The following IMPG2 variants were observed in gnomAD, a reference collection of about 807,000 sequenced individuals.
IMPG2 encodes the protein IPM 200.
Under a neutral mutation model 129.2 loss-of-function variants are expected in IMPG2, and 91 were observed. The observed-to-expected ratio is 0.70, with a 90% CI of 0.59 to 0.84. IMPG2 has a LOEUF of 0.84. IMPG2 is among the 40% of genes least tolerant of loss of function. The pLI, the probability that IMPG2 is intolerant of heterozygous loss-of-function variation, is 0.00. For synonymous variants in IMPG2, 510 were observed against 517.7 expected, an observed-to-expected ratio of 0.99 and a Z score of 0.20; for missense variants, 1,430 against 1,461.7, an observed-to-expected ratio of 0.98 and a Z score of 0.35.
intron 9 of IMPG2, among the ~76,000 whole-genome samples, chr3:101,258,010 C>T (rs2107235314): frequency 6.6e-6 from 1 of 152,172 alleles, no homozygotes; most frequent in East Asian, 1.9e-4. Flanking sequence ...ACAGAGGCAA[C>T]CCTGCAGGAT....
intron 12 of IMPG2, among the ~76,000 whole-genome samples, chr3:101,245,009 C>A (rs1559643431): frequency 6.6e-6 from 1 of 151,826 alleles, no homozygotes; most frequent in African/African-American, 2.4e-5. Flanking sequence ...GATAACAATA[C>A]CTTGACTATT....
chr3:101,243,778 C>G lies in IMPG2; in HGVS notation c.2553G>C (p.Gln851His). The change falls in exon 13 of 19, where the codon CAG becomes CAC. Residue 851 changes from glutamine to histidine, a missense_variant. By Grantham distance (24) the Gln-to-His change is conservative. Coordinates refer to ENST00000193391, the MANE Select transcript of IMPG2 (RefSeq NM_016247.4). Reference sequence around the variant, plus strand: ...CATTTTGCTCTTGGACTTGCTCAGGCTGATAGTAATCTGTGCCTATCCGGT... The same window carrying G: ...CATTTTGCTCTTGGACTTGCTCAGGGTGATAGTAATCTGTGCCTATCCGGT... ...ELDRIGTDYY[Q>H]PEQVQEQNGK... is the part of the protein sequence containing the mutation. 1 of 1,613,974 alleles carries G rather than the reference C, an allele frequency of 6.2e-7. No individual in the cohort carries two copies. Among genetic ancestry groups the G allele is most frequent in the Non-Finnish European group, 8.5e-7 (1 of 1,179,898 alleles).
intron 3 of IMPG2, among the ~76,000 whole-genome samples, chr3:101,302,500 A>G (rs1035166452): frequency 3.3e-5 from 5 of 152,244 alleles, no homozygotes; most frequent in African/African-American, 9.6e-5. Context: ...TGTGAAGGGA[A>G]AAGACATCAA....
intron 14 of IMPG2, among the ~76,000 whole-genome samples, chr3:101,236,234 C>T (rs968139279): frequency 6.6e-6 from 1 of 152,106 alleles, no homozygotes; most frequent in Non-Finnish European, 1.5e-5. Flanking sequence ...CTTAACAATG[C>T]CCAGAAATAC....
intron 10 of IMPG2, among the ~76,000 whole-genome samples, chr3:101,254,586 A>C (rs1382836368): frequency 6.6e-6 from 1 of 152,082 alleles, no homozygotes; most frequent in African/African-American, 2.4e-5. Context: ...CTCTTTATCC[A>C]CCTGTTCCCA....
chr3:101,226,719 T>A lies in IMPG2; in HGVS notation c.*250A>T, dbSNP rs952702539. 1.5e-5 allele frequency: 7 copies of A among 478,402 alleles called. No individual in the cohort carries two copies. Among genetic ancestry groups the A allele is most frequent in the Non-Finnish European group, 2.2e-5 (6 of 271,590 alleles). The allele number at this position is 478,402 out of a possible 1,614,324, so 29.6% of individuals were successfully genotyped here. A position where few individuals can be genotyped will look rare whatever the true frequency, so the allele number is the denominator to read the frequency against. On this transcript the variant is annotated 3_prime_UTR_variant, in exon 19 of 19. Transcript: ENST00000193391. Reference sequence around the variant, plus strand: ...TCCAGCTTTTTCTTATAGAATACTTTCCAGAGTTTACGTAGTTTTCAATTT... The same window carrying A: ...TCCAGCTTTTTCTTATAGAATACTTACCAGAGTTTACGTAGTTTTCAATTT...
chr3:101,319,763 T>C lies in IMPG2; in HGVS notation c.155A>G (p.Glu52Gly), dbSNP rs897086754. The C allele has an allele frequency of 1.2e-6, 2 of 1,613,458 alleles. No individual in the cohort carries two copies. The highest frequency in any genetic ancestry group is 2.7e-5 in the African/African-American group (2 of 74,890). ...GGTAGCTAGAGAAAGGTCTGTTGAT[T>C]CTTCAGGCAGGAGAAAAGAAACTGC... is the stretch of plus-strand genomic sequence containing the variant. The part of the protein sequence containing the change: ...KSAVSFLLPE[E>G]STDLSLATKK... The change falls in exon 2 of 19, where the codon GAA (glutamate) becomes GGA (glycine). Residue 52 changes from glutamate (E) to glycine (G), a missense_variant. Coordinates refer to ENST00000193391, the MANE Select transcript of IMPG2 (RefSeq NM_016247.4).
At chr3:101,262,475 T>C (rs1706680475) in intron 9 of IMPG2, among the ~76,000 whole-genome samples, 1 of 152,060 alleles carries the variant, frequency 6.6e-6, no homozygotes, top group Non-Finnish European at 1.5e-5. Flanking sequence ...TTTTATCAGC[T>C]GGTTAATTCC....
rs1322867640 is a variant in IMPG2, at chr3:101,223,131, T to C, written c.*3838A>G. ...TTCTTTACATCATGGTACCCTCCCA[T>C]ATTTCCACCTTCCGCCAGGATATCC... On this transcript the variant is annotated 3_prime_UTR_variant, in exon 19 of 19. Transcript: ENST00000193391. The C allele has an allele frequency of 6.6e-6, 1 of 152,204 alleles. No individual in the cohort carries two copies. The highest frequency in any genetic ancestry group is 2.4e-5 in the African/African-American group (1 of 41,448). The allele number at this position is 152,204 out of a possible 1,614,324, so 9.4% of individuals were successfully genotyped here. A position where few individuals can be genotyped will look rare whatever the true frequency, so the allele number is the denominator to read the frequency against.
chr3:101,244,865 C>G (rs1243300441), intron 12 of IMPG2, 78 bp from the exon 13 acceptor site: 1 of 1,230,540 alleles, frequency 8.1e-7, no homozygotes, highest in Admixed American at 1.9e-5. Flanking sequence ...AAACTAGTTG[C>G]CTGTTTTTTC....
Position 101,232,944 on chromosome 3 carries a change from C to A in IMPG2, c.3070G>T (p.Glu1024Ter), listed in dbSNP as rs780590586. ...CKFQACNEFS[E>*]CLVNPWSGEA... ...CCACTCCAGGGGTTGACCAGACACT[C>A]TGAAAATTCATTACAGGCCTGAAAC... The change falls in exon 15 of 19, where the codon GAG becomes TAG. Residue 1024 changes from glutamate (E) to a stop codon, truncating the protein, a stop_gained. Coordinates refer to ENST00000193391, the MANE Select transcript of IMPG2 (RefSeq NM_016247.4). LOFTEE classifies it high-confidence loss of function. 1 of 1,614,050 alleles carries A rather than the reference C, an allele frequency of 6.2e-7. No individual in the cohort carries two copies. Among genetic ancestry groups the A allele is most frequent in the Non-Finnish European group, 8.5e-7 (1 of 1,180,024 alleles).
chr3:101,293,736 C>T (rs563505031), intron 3 of IMPG2, among the ~76,000 whole-genome samples: 1 of 152,198 alleles, frequency 6.6e-6, no homozygotes, highest in East Asian at 1.9e-4. Context: ...CATGTAGCCA[C>T]CTTCATAAAT....
In IMPG2 at chr3:101,226,880, T is replaced by G; in HGVS notation, c.*89A>C. ...ATAGAAAACTCTTCTTCCAACAGTG[T>G]TTAAAATCCAGGTTAATTATATGAC... On this transcript the variant is annotated 3_prime_UTR_variant, in exon 19 of 19. Transcript: ENST00000193391. 1 of 1,386,104 alleles carries G rather than the reference T, an allele frequency of 7.2e-7. No individual in the cohort carries two copies. The highest frequency in any genetic ancestry group is 1.0e-6 in the Non-Finnish European group (1 of 979,180). The allele number at this position is 1,386,104 out of a possible 1,614,324, so 85.9% of individuals were successfully genotyped here.
chr3:101,244,435 C>T lies in IMPG2; in HGVS notation c.1896G>A (p.Trp632Ter). ...EKSAEPLSKP[W>*]LEDDDSLLPA... ...GCAAAAGTGAATCATCATCTTCAAG[C>T]CACGGCTTGGACAGTGGTTCAGCGC... Residue 632 changes from tryptophan to a stop codon, truncating the protein, a stop_gained, in exon 13 of 19, where the codon TGG becomes TGA. Coordinates refer to ENST00000193391, the MANE Select transcript of IMPG2 (RefSeq NM_016247.4). LOFTEE classifies it high-confidence loss of function. 6.2e-7 allele frequency: 1 copy of T among 1,614,174 alleles called. No homozygotes were observed. The highest frequency in any genetic ancestry group is 8.5e-7 in the Non-Finnish European group (1 of 1,180,008).
At chr3:101,281,943 T>A (rs1706897418) in intron 4 of IMPG2, among the ~76,000 whole-genome samples, 1 of 152,196 alleles carries the variant, frequency 6.6e-6, no homozygotes, top group Non-Finnish European at 1.5e-5. Context: ...GCTGATACTT[T>A]GAGACCCAAA....
In IMPG2 at chr3:101,243,610, C is replaced by A. The variant is rs753791251; in HGVS notation, c.2721G>T (p.Val907=). Residue 907 remains valine, a synonymous_variant, in exon 13 of 19, where the codon GTG becomes GTT. Transcript: ENST00000193391. The stretch of plus-strand genomic sequence containing the variant: ...GATCTTCTGAAAACATCATGTTAGT[C>A]ACTCGGAGGCTGAAGAAAACCACCA... ...GALVVFFSLR[V]TNMMFSEDLF... is the part of the protein sequence containing the mutation. 2.5e-6 allele frequency: 4 copies of A among 1,613,864 alleles called. No homozygotes were observed. In the South Asian group the frequency reaches 4.4e-5, roughly 18 times the overall value.
At chr3:101,283,751 A>G (rs1274722643) in intron 4 of IMPG2, among the ~76,000 whole-genome samples, 1 of 152,206 alleles carries the variant, frequency 6.6e-6, no homozygotes, top group African/African-American at 2.4e-5. Flanking sequence ...TGGATTTGCA[A>G]AAACAAAACA....
intron 3 of IMPG2, among the ~76,000 whole-genome samples, chr3:101,295,155 A>G (rs998122403): frequency 2.0e-5 from 3 of 152,200 alleles, no homozygotes; most frequent in East Asian, 3.8e-4. Flanking sequence ...GTCTTTGCCC[A>G]TGCCTACGTC....
At position 101,243,728 on chromosome 3, in the gene IMPG2, A is replaced by G. The variant is rs764136067; in HGVS notation, c.2603T>C (p.Met868Thr). 1 of 1,613,900 alleles carries G rather than the reference A, an allele frequency of 6.2e-7. No individual in the cohort carries two copies. Among genetic ancestry groups the G allele is most frequent in the Admixed American group, 1.7e-5 (1 of 60,000 alleles). Residue 868 changes from methionine to threonine, a missense_variant, in exon 13 of 19, where the codon ATG (methionine) becomes ACG (threonine). Physicochemically the swap from Met to Thr is moderately conservative, Grantham distance 81. Coordinates refer to ENST00000193391, the MANE Select transcript of IMPG2 (RefSeq NM_016247.4). ...QNGKVGSYVEMSTSVHSTEMV... is the reference protein window; with the variant it reads ...QNGKVGSYVETSTSVHSTEMV... ...CTCTGTGGAGTGAACACTTGTTGAC[A>G]TTTCCACATAACTACCAACCTTGCC...
Sources: gnomAD v4.1 joint callset for allele counts (sites outside exome capture counted in the v4.1 genomes callset) on GRCh38, gnomAD v4.1.1 for gene constraint, MANE v1.5 for transcripts, NCBI Gene and HGNC (gene_info 2026-07-23, HGNC 2026-07-21) for gene names.